RAPGEF5: variants seen among roughly 807,000 people sequenced by gnomAD.
The protein encoded by RAPGEF5 is Rap guanine nucleotide exchange factor 5.
In RAPGEF5, 65 loss-of-function variants were observed where a neutral mutation model predicts 125.2. The ratio of observed to expected loss-of-function variants is 0.52; its 90% CI spans 0.43 to 0.64. The LOEUF (loss-of-function observed/expected upper bound fraction) is 0.64. Ranked by LOEUF, RAPGEF5 falls within the 30% of genes least tolerant of loss-of-function variation. The pLI, the probability that RAPGEF5 is intolerant of heterozygous loss-of-function variation, is 0.00. For synonymous variants in RAPGEF5, 391 were observed against 385.9 expected, an observed-to-expected ratio of 1.01 and a Z score of -0.16; for missense variants, 958 against 1,048.1, an observed-to-expected ratio of 0.91 and a Z score of 1.19.
At chr7:22,277,138 A>G (rs141709306) in intron 6 of RAPGEF5, among the ~76,000 whole-genome samples, 119 of 152,304 alleles carry the variant, frequency 7.8e-4, no homozygotes, top group Middle Eastern at 3.4e-3. Context: ...TTACTTTCAG[A>G]CTTTACTTTA....
chr7:22,320,709 C>T (rs1378984695), intron 1 of RAPGEF5, among the ~76,000 whole-genome samples: 1 of 152,184 alleles, frequency 6.6e-6, no homozygotes, highest in East Asian at 1.9e-4. Context: ...TGGCAACTTA[C>T]TTCCATTCAT....
rs75863554 is a variant in RAPGEF5 at position 22,285,468 on chromosome 7, A to C, written c.747+5707T>G. Among the ~76,000 whole-genome samples, 1,411 of 152,320 alleles carry C rather than the reference A, an allele frequency of 9.3e-3. 17 individuals carry two copies. The highest frequency in any genetic ancestry group is 0.057 in the South Asian group (273 of 4,828). On this transcript the variant is annotated intron_variant, in intron 6 of 25. Coordinates refer to ENST00000665637, the MANE Select transcript of RAPGEF5 (RefSeq NM_012294.5). ...CCAAACCTCATGCTATTACTGAACC[A>C]GTATCAATTTAAAAGTTTCCAATCA...
chr7:22,331,538 G>A (rs1162239173), intron 1 of RAPGEF5, among the ~76,000 whole-genome samples: 4 of 152,110 alleles, frequency 2.6e-5, no homozygotes, highest in African/African-American at 4.8e-5. Context: ...GAGGTCAGGA[G>A]ATCGAGACCA....
chr7:22,234,496 C>T (rs151228725), intron 7 of RAPGEF5, among the ~76,000 whole-genome samples: 100 of 152,304 alleles, frequency 6.6e-4, no homozygotes, highest in African/African-American at 2.2e-3. Context: ...TCTCTCAACA[C>T]ACAGAGTCTA....
At chr7:22,152,095 G>A (rs569611960) in intron 17 of RAPGEF5, among the ~76,000 whole-genome samples, 1 of 152,310 alleles carries the variant, frequency 6.6e-6, no homozygotes, top group South Asian at 2.1e-4. Flanking sequence ...ATTGGGAAAT[G>A]CAATATTCCA....
At chr7:22,141,206 T>C (rs1172942200) in intron 20 of RAPGEF5, among the ~76,000 whole-genome samples, 1 of 152,222 alleles carries the variant, frequency 6.6e-6, no homozygotes, top group African/African-American at 2.4e-5. Flanking sequence ...TCCTCTATTG[T>C]GGATGATTTT....
chr7:22,265,142 G>A (rs552298820), intron 7 of RAPGEF5, among the ~76,000 whole-genome samples: 5 of 151,860 alleles, frequency 3.3e-5, no homozygotes, highest in African/African-American at 9.7e-5. Context: ...TTCTTCTCTC[G>A]CTATTTTGCA....
chr7:22,155,861 G>A (rs1212746049), intron 16 of RAPGEF5, among the ~76,000 whole-genome samples: 1 of 152,198 alleles, frequency 6.6e-6, no homozygotes, highest in African/African-American at 2.4e-5. Context: ...AAAGAGTCTG[G>A]GGGCCTCGAA....
chr7:22,162,368 T>G, intron 13 of RAPGEF5, 29 bp downstream of exon 13: 3 of 1,530,810 alleles, frequency 2.0e-6, no homozygotes, highest in Non-Finnish European at 2.7e-6. Context: ...TTATTTGGCA[T>G]CAAAGAATAT....
chr7:22,310,001 T>G lies in RAPGEF5; in HGVS notation c.479A>C (p.Gln160Pro). ...CATAATTCCCATGTCCAGTAGGAGT[T>G]GCCAGACTCCTATGGCCATAGATCT... ...QCRSMAIGVW[Q>P]LLLDMGIMLS... Residue 160 changes from glutamine (Q) to proline (P), a missense_variant, in exon 4 of 26, where the codon CAA (glutamine) becomes CCA (proline). Gln to Pro is a moderately conservative substitution (Grantham distance 76, BLOSUM62 -1). Transcript: ENST00000665637. The G allele has an allele frequency of 6.3e-7, 1 of 1,595,070 alleles. No homozygotes were observed. Among genetic ancestry groups the G allele is most frequent in the Non-Finnish European group, 8.5e-7 (1 of 1,173,598 alleles).
intron 7 of RAPGEF5, among the ~76,000 whole-genome samples, chr7:22,262,190 A>G (rs954080118): frequency 3.9e-5 from 6 of 152,148 alleles, no homozygotes; most frequent in Non-Finnish European, 8.8e-5. Context: ...AGAATACATA[A>G]AGAACTCTCA....
At chr7:22,243,507 C>T (rs1169962311) in intron 7 of RAPGEF5, among the ~76,000 whole-genome samples, 8 of 152,104 alleles carry the variant, frequency 5.3e-5, no homozygotes, top group East Asian at 1.9e-4. Flanking sequence ...CCACCCGTCT[C>T]GGCCTCCCAA....
chr7:22,167,239 C>T, intron 11 of RAPGEF5, 91 bp from the exon 12 acceptor site: 2 of 893,236 alleles, frequency 2.2e-6, no homozygotes, highest in Non-Finnish European at 1.8e-6. Flanking sequence ...ATGTGCATGG[C>T]AGAAATATGA....
At chr7:22,231,511 G>A (rs544921862) in intron 7 of RAPGEF5, among the ~76,000 whole-genome samples, 1 of 152,186 alleles carries the variant, frequency 6.6e-6, no homozygotes, top group South Asian at 2.1e-4. Context: ...TCCAGCTTGG[G>A]AACAATGCTA....
intron 8 of RAPGEF5, among the ~76,000 whole-genome samples, 158 bp downstream of exon 8, chr7:22,230,688 A>C (rs1465300145): frequency 6.6e-6 from 1 of 152,210 alleles, no homozygotes; most frequent in East Asian, 1.9e-4. Context: ...CCTTTGTGTG[A>C]AATACCTTTA....
At chr7:22,288,529 T>G (rs1017885573) in intron 6 of RAPGEF5, among the ~76,000 whole-genome samples, 11 of 91,960 alleles carry the variant, frequency 1.2e-4, no homozygotes, top group African/African-American at 4.5e-4. Flanking sequence ...TTCTTTTCTT[T>G]TTTTTTTTTT....
At chr7:22,166,631 C>T (rs1784175785) in intron 12 of RAPGEF5, among the ~76,000 whole-genome samples, 1 of 152,194 alleles carries the variant, frequency 6.6e-6, no homozygotes, top group Non-Finnish European at 1.5e-5. Context: ...TGGCCTGTCT[C>T]CCCTGAGATA....
At chr7:22,171,674 T>G (rs1365954153) in intron 11 of RAPGEF5, among the ~76,000 whole-genome samples, 1 of 152,190 alleles carries the variant, frequency 6.6e-6, no homozygotes, top group Non-Finnish European at 1.5e-5. Context: ...AATTTTTGTA[T>G]TTTTAGTAGA....
chr7:22,288,222 G>A (rs550795586), intron 6 of RAPGEF5, among the ~76,000 whole-genome samples: 2 of 137,236 alleles, frequency 1.5e-5, no homozygotes, highest in South Asian at 2.5e-4. Context: ...ACTGCCCTCC[G>A]CCTATGGCTG....
Sources: gnomAD v4.1 joint callset for allele counts (sites outside exome capture counted in the v4.1 genomes callset) on GRCh38, gnomAD v4.1.1 for gene constraint, MANE v1.5 for transcripts, NCBI Gene and HGNC (gene_info 2026-07-23, HGNC 2026-07-21) for gene names.